Variants in SIAH3 observed in about 807,000 individuals in gnomAD.
SIAH3 encodes the protein siah E3 ubiquitin protein ligase family member 3, also known as seven in absentia homolog 3.
A neutral mutation model predicts 12.6 loss-of-function variants in SIAH3; 9 were observed. The observed-to-expected ratio is 0.72, with a 90% CI of 0.43 to 1.25. The LOEUF (loss-of-function observed/expected upper bound fraction) is 1.25. Ranked by LOEUF, SIAH3 falls within the 50% of genes most tolerant of loss-of-function variation. The probability of loss-of-function intolerance (pLI) is 0.00; values close to 1 mark genes in which losing one functional copy is unlikely to be tolerated. For synonymous variants in SIAH3, 154 were observed against 151.1 expected, an observed-to-expected ratio of 1.02 and a Z score of -0.14; for missense variants, 390 against 365.4, an observed-to-expected ratio of 1.07 and a Z score of -0.55.
intron 1 of SIAH3, among the ~76,000 whole-genome samples, chr13:45,824,455 C>A (rs1950666697): frequency 6.6e-6 from 1 of 152,140 alleles, no homozygotes; most frequent in South Asian, 2.1e-4. Flanking sequence ...GCCTCCATAC[C>A]CCTCACCTGT....
Position 45,783,776 on chromosome 13 carries a change from G to C in SIAH3, c.417C>G (p.Ala139=). The C allele has an allele frequency of 6.2e-7, 1 of 1,614,206 alleles. No individual in the cohort carries two copies. Among genetic ancestry groups the C allele is most frequent in the Non-Finnish European group, 8.5e-7 (1 of 1,180,036 alleles). The change falls in exon 2 of 2, where the codon GCC becomes GCG. Residue 139 remains alanine, a synonymous_variant. Coordinates refer to ENST00000400405, the MANE Select transcript of SIAH3 (RefSeq NM_198849.3). ...TGTCCGTGGCCAGGAAGACGATCTC[G>C]GCTCCCTGGAGGATGTCAACCCTAT... is the stretch of plus-strand genomic sequence containing the variant. The part of the protein sequence containing the change: ...QIHRVDILQG[A]EIVFLATDMH...
chr13:45,791,195 T>C (rs913787358), intron 1 of SIAH3, among the ~76,000 whole-genome samples: 1 of 151,726 alleles, frequency 6.6e-6, no homozygotes, highest in African/African-American at 2.4e-5. Context: ...AGAAAATCAC[T>C]AATTGGTAGC....
Position 45,827,229 on chromosome 13 carries a change from T to C in SIAH3, c.135+24266A>G, listed in dbSNP as rs1164798812. On this transcript the variant is annotated intron_variant, in intron 1 of 1. Transcript: ENST00000400405. ...TTGCTTTCCTAATAAAATGAAACAG[T>C]GTCACCCTTTTCCCCTTCCATTTGT... Among the ~76,000 whole-genome samples, 3 of 152,172 alleles carry C rather than the reference T, an allele frequency of 2.0e-5. No homozygotes were observed. In the East Asian group the frequency reaches 5.8e-4, roughly 29 times the overall value.
chr13:45,827,216 T>G (rs1371319210), intron 1 of SIAH3, among the ~76,000 whole-genome samples: 2 of 152,150 alleles, frequency 1.3e-5, no homozygotes, highest in African/African-American at 4.8e-5. Flanking sequence ...GCTTTCCTAA[T>G]AAAATGAAAC....
Position 45,851,666 on chromosome 13 carries a change from C to A in SIAH3, c.-37G>T. On this transcript the variant is annotated 5_prime_UTR_variant, in exon 1 of 2. Coordinates refer to ENST00000400405, the MANE Select transcript of SIAH3 (RefSeq NM_198849.3). ...GGGGGTTGTTGGTCCGGGAAGGCAGCGGAGGAAGCTGTGAGTCCTTGGGCC... is the reference window on the plus strand; with the variant it reads ...GGGGGTTGTTGGTCCGGGAAGGCAGAGGAGGAAGCTGTGAGTCCTTGGGCC... 2 of 1,613,264 alleles carry A rather than the reference C, an allele frequency of 1.2e-6. No individual in the cohort carries two copies. The highest frequency in any genetic ancestry group is 2.2e-5 in the East Asian group (1 of 44,872).
intron 1 of SIAH3, among the ~76,000 whole-genome samples, chr13:45,833,566 G>A (rs1390682066): frequency 6.6e-6 from 1 of 152,200 alleles, no homozygotes; most frequent in Non-Finnish European, 1.5e-5. Flanking sequence ...AAGAGAAAGA[G>A]GGTGGTTCAT....
intron 1 of SIAH3, among the ~76,000 whole-genome samples, chr13:45,795,446 C>T (rs757552709): frequency 6.6e-6 from 1 of 152,222 alleles, no homozygotes; most frequent in Non-Finnish European, 1.5e-5. Context: ...CAGCAGGCAA[C>T]AGAGGTTGAG....
intron 1 of SIAH3, among the ~76,000 whole-genome samples, chr13:45,784,817 C>T (rs1040613771): frequency 9.2e-5 from 14 of 152,314 alleles, no homozygotes; most frequent in African/African-American, 2.9e-4. Context: ...AAGTGCCCCC[C>T]AAAACACCAA....
intron 1 of SIAH3, among the ~76,000 whole-genome samples, chr13:45,813,890 A>G (rs565905672): frequency 1.3e-5 from 2 of 152,220 alleles, no homozygotes; most frequent in Admixed American, 1.3e-4. Flanking sequence ...CCCACCTCTT[A>G]AAAACATTCC....
intron 1 of SIAH3, among the ~76,000 whole-genome samples, chr13:45,849,721 C>A (rs1274314227): frequency 6.6e-6 from 1 of 152,180 alleles, no homozygotes; most frequent in African/African-American, 2.4e-5. Context: ...CAAGTGGTTT[C>A]CCCTCACTCC....
intron 1 of SIAH3, among the ~76,000 whole-genome samples, chr13:45,788,494 T>C (rs1209427475): frequency 6.6e-6 from 1 of 152,256 alleles, no homozygotes; most frequent in Non-Finnish European, 1.5e-5. Flanking sequence ...TTTAGAATAA[T>C]GCGCAAAATT....
chr13:45,851,524 A>G lies in SIAH3; in HGVS notation c.106T>C (p.Cys36Arg). The change falls in exon 1 of 2, where the codon TGT (cysteine) becomes CGT (arginine). Residue 36 changes from cysteine (C) to arginine (R), a missense_variant. Transcript: ENST00000400405. ...AGGTTGTGTGTGGGGTTGACGACAC[A>G]GACAAGTTGCCCGGCAGCGGAGAAA... ...RVFSAAGQLV[C>R]VVNPTHNLKY... The G allele has an allele frequency of 6.2e-7, 1 of 1,614,220 alleles. No individual in the cohort carries two copies. The highest frequency in any genetic ancestry group is 8.5e-7 in the Non-Finnish European group (1 of 1,180,046).
chr13:45,828,532 C>T (rs917534271), intron 1 of SIAH3, among the ~76,000 whole-genome samples: 19 of 152,164 alleles, frequency 1.2e-4, no homozygotes, highest in Non-Finnish European at 2.8e-4. Context: ...AGGCATAATT[C>T]ACTATTTTGC....
At chr13:45,788,535 G>C (rs1379501390) in intron 1 of SIAH3, among the ~76,000 whole-genome samples, 3 of 152,192 alleles carry the variant, frequency 2.0e-5, no homozygotes, top group African/African-American at 7.2e-5. Context: ...TTATAGGCTG[G>C]GGATAATACT....
At chr13:45,796,626 C>T (rs1278108863) in intron 1 of SIAH3, among the ~76,000 whole-genome samples, 2 of 152,236 alleles carry the variant, frequency 1.3e-5, no homozygotes, top group Non-Finnish European at 2.9e-5. Context: ...ACAGGCCTTG[C>T]CCTTTGCTCC....
intron 1 of SIAH3, among the ~76,000 whole-genome samples, chr13:45,793,812 A>G (rs1237640891): frequency 6.6e-6 from 1 of 152,240 alleles, no homozygotes; most frequent in African/African-American, 2.4e-5. Flanking sequence ...GAACCTGTGA[A>G]TGTGATCTTA....
chr13:45,789,400 CT>C (rs1297419548), intron 1 of SIAH3, among the ~76,000 whole-genome samples: 1 of 41,012 alleles, frequency 2.4e-5, no homozygotes, highest in Admixed American at 3.2e-4. Context: ...ATCTATCTAT[CT>C]ATCTATCTAT....
At chr13:45,801,103 G>GGGC (rs1555257369) in intron 1 of SIAH3, among the ~76,000 whole-genome samples, 1 of 149,808 alleles carries the variant, frequency 6.7e-6, no homozygotes, top group African/African-American at 2.4e-5. Flanking sequence ...GGCGGGGGGG[G>GGGC]GCATGGCTGT....
intron 1 of SIAH3, among the ~76,000 whole-genome samples, chr13:45,785,470 C>T (rs1000450790): frequency 6.6e-6 from 1 of 152,268 alleles, no homozygotes; most frequent in Non-Finnish European, 1.5e-5. Flanking sequence ...TCTCCCCTGA[C>T]TTCCTGTGGC....
Sources: allele counts gnomAD v4.1 joint callset (sites outside exome capture counted in the v4.1 genomes callset), GRCh38; gene constraint gnomAD v4.1.1; transcripts MANE v1.5; gene names NCBI Gene and HGNC (gene_info 2026-07-23, HGNC 2026-07-21).